Variants in IL1RAPL1 observed in about 807,000 individuals in gnomAD.
IL1RAPL1 encodes the protein interleukin 1 receptor accessory protein like 1.
A neutral mutation model predicts 48.4 loss-of-function variants in IL1RAPL1; 3 were observed. That is an observed-to-expected ratio of 0.06 (90% confidence interval 0.03 to 0.16). The LOEUF (loss-of-function observed/expected upper bound fraction) is 0.16. Ranked by LOEUF, IL1RAPL1 falls within the 10% of genes least tolerant of loss-of-function variation. IL1RAPL1 has a pLI of 1.00. For synonymous variants in IL1RAPL1, 185 were observed against 187.7 expected (o/e 0.99, Z 0.12); for missense variants, 349 against 530.6 (o/e 0.66, Z 3.36).
intron 2 of IL1RAPL1, among the ~76,000 whole-genome samples, chrX:29,028,186 G>C (rs146592156): frequency 1.8e-5 from 2 of 109,390 alleles, no homozygotes; most frequent in Non-Finnish European, 3.8e-5. Flanking sequence ...ACAATAGATC[G>C]CTTGGACTTA....
At chrX:29,547,560 A>G (rs1921664737) in intron 5 of IL1RAPL1, among the ~76,000 whole-genome samples, 1 of 112,154 alleles carries the variant, frequency 8.9e-6, no homozygotes, top group African/African-American at 3.2e-5. Context: ...TATTTTATTT[A>G]AGCTGATAAC....
At chrX:29,434,073 T>C (rs760579504) in intron 5 of IL1RAPL1, among the ~76,000 whole-genome samples, 7 of 109,727 alleles carry the variant, frequency 6.4e-5, no homozygotes, top group Non-Finnish European at 1.1e-4. Flanking sequence ...AAAATAGATA[T>C]TTTATATTAA....
intron 6 of IL1RAPL1, among the ~76,000 whole-genome samples, chrX:29,787,612 G>A (rs918250323): frequency 4.5e-5 from 5 of 111,715 alleles, no homozygotes; most frequent in African/African-American, 1.6e-4. Flanking sequence ...AAAACCTGAA[G>A]ACAACTTTAG....
rs62588090 is a variant in IL1RAPL1 at position 29,319,550 on chromosome X, G to C, written c.362+36333G>C. 3.2e-3 allele frequency among the ~76,000 whole-genome samples: 156 copies of C among 48,378 alleles called. 1 individual carries two copies. Among genetic ancestry groups the C allele is most frequent in the Non-Finnish European group, 7.3e-3 (125 of 17,176 alleles). The allele number at this position is 48,378 out of a possible 115,157, so 42.0% of individuals were successfully genotyped here. ...TGTATGTATGTATGTATGTATGTATGTATGTATGTATCTATCTATCTATCT... is the reference window on the plus strand; with the variant it reads ...TGTATGTATGTATGTATGTATGTATCTATGTATGTATCTATCTATCTATCT... On this transcript the variant is annotated intron_variant, in intron 3 of 10. Transcript: ENST00000378993.
intron 2 of IL1RAPL1, among the ~76,000 whole-genome samples, chrX:29,102,381 A>G (rs1214480654): frequency 2.7e-5 from 3 of 112,127 alleles, no homozygotes; most frequent in Admixed American, 1.9e-4. Flanking sequence ...AGAGAAGTTA[A>G]ACTGGCCAGG....
chrX:29,274,407 A>C (rs1932088018), intron 2 of IL1RAPL1, among the ~76,000 whole-genome samples: 1 of 112,495 alleles, frequency 8.9e-6, no homozygotes, highest in Non-Finnish European at 1.9e-5. Context: ...CCTTTTTAAA[A>C]GTTCTCACTT....
intron 6 of IL1RAPL1, among the ~76,000 whole-genome samples, chrX:29,847,697 T>A (rs1266724165): frequency 9.0e-6 from 1 of 111,611 alleles, no homozygotes; most frequent in African/African-American, 3.2e-5. Flanking sequence ...GTTAAATACC[T>A]TTAAGAAAAA....
chrX:28,707,216 C>T (rs1357093533), intron 1 of IL1RAPL1, among the ~76,000 whole-genome samples: 1 of 112,113 alleles, frequency 8.9e-6, no homozygotes, highest in Non-Finnish European at 1.9e-5. Flanking sequence ...ACATACTTGG[C>T]CCACGCAAGG....
chrX:28,637,358 G>A (rs965192888), intron 1 of IL1RAPL1, among the ~76,000 whole-genome samples: 1 of 111,716 alleles, frequency 9.0e-6, no homozygotes, highest in African/African-American at 3.3e-5. Flanking sequence ...TGTCCAACCA[G>A]ATATAAAATC....
intron 2 of IL1RAPL1, among the ~76,000 whole-genome samples, chrX:28,889,835 A>G (rs964045019): frequency 9.0e-6 from 1 of 110,719 alleles, no homozygotes; most frequent in African/African-American, 3.3e-5. Flanking sequence ...TAGGCTAGAC[A>G]CTTTCTCACT....
At chrX:29,297,577 C>T (rs997032636) in intron 3 of IL1RAPL1, among the ~76,000 whole-genome samples, 2 of 112,087 alleles carry the variant, frequency 1.8e-5, no homozygotes, top group African/African-American at 6.5e-5. Flanking sequence ...AGCCTGGAAT[C>T]ATGTAATGTA....
At chrX:29,274,749 T>C (rs1056627184) in intron 2 of IL1RAPL1, among the ~76,000 whole-genome samples, 1 of 111,549 alleles carries the variant, frequency 9.0e-6, no homozygotes, top group African/African-American at 3.3e-5. Context: ...CAAACAAGAC[T>C]TTGACCCCAA....
chrX:29,771,238 G>A (rs781114503), intron 6 of IL1RAPL1, among the ~76,000 whole-genome samples: 147 of 111,990 alleles, frequency 1.3e-3, no homozygotes, highest in African/African-American at 4.5e-3. Flanking sequence ...ATAGTATTCC[G>A]TTCACTCAGT....
At chrX:29,074,749 G>A (rs1019327950) in intron 2 of IL1RAPL1, among the ~76,000 whole-genome samples, 3 of 112,016 alleles carry the variant, frequency 2.7e-5, no homozygotes, top group Non-Finnish European at 5.6e-5. Flanking sequence ...TCATAAAGCA[G>A]TATTTCTGGT....
chrX:29,955,853 G>T lies in IL1RAPL1; in HGVS notation c.*33G>T, dbSNP rs781046009. Reference sequence around the variant, plus strand: ...GCAAGGGACATCCCGTCCCTGGGAGGTTGAGTGGAATCTGCAGTCCAGTGC... The same window carrying T: ...GCAAGGGACATCCCGTCCCTGGGAGTTTGAGTGGAATCTGCAGTCCAGTGC... On this transcript the variant is annotated 3_prime_UTR_variant, in exon 11 of 11. Coordinates refer to ENST00000378993, the MANE Select transcript of IL1RAPL1 (RefSeq NM_014271.4). 8 of 1,106,670 alleles carry T rather than the reference G, an allele frequency of 7.2e-6. No homozygotes were observed. The highest frequency in any genetic ancestry group is 8.7e-6 in the Non-Finnish European group (7 of 802,578). The allele number at this position is 1,106,670 out of a possible 1,213,427, so 91.2% of individuals were successfully genotyped here.
chrX:29,622,022 C>T (rs780708226), intron 5 of IL1RAPL1, among the ~76,000 whole-genome samples: 26 of 112,333 alleles, frequency 2.3e-4, no homozygotes, highest in Non-Finnish European at 4.1e-4. Flanking sequence ...ATTTGTCTTT[C>T]TGTGCTGGCT....
At chrX:28,939,941 T>A (rs1457301911) in intron 2 of IL1RAPL1, among the ~76,000 whole-genome samples, 1 of 111,506 alleles carries the variant, frequency 9.0e-6, no homozygotes, top group Non-Finnish European at 1.9e-5. Context: ...AATTTGCTGA[T>A]TAATCAGCCC....
At chrX:28,588,826 T>C (rs1933877539) in intron 1 of IL1RAPL1, among the ~76,000 whole-genome samples, 1 of 112,189 alleles carries the variant, frequency 8.9e-6, no homozygotes, top group African/African-American at 3.2e-5. Context: ...CCCAATATCC[T>C]AAATAGCTGA....
intron 1 of IL1RAPL1, among the ~76,000 whole-genome samples, chrX:28,669,643 T>TAA (rs1286276504): frequency 5.8e-5 from 6 of 103,431 alleles, no homozygotes; most frequent in East Asian, 2.9e-4. Context: ...TATATATATA[T>TAA]AACTTATATA....
Sources: gnomAD v4.1 joint callset for allele counts (sites outside exome capture counted in the v4.1 genomes callset) on GRCh38, gnomAD v4.1.1 for gene constraint, MANE v1.5 for transcripts, NCBI Gene and HGNC (gene_info 2026-07-23, HGNC 2026-07-21) for gene names.